The following MAP4 variants were observed in gnomAD, a reference collection of about 807,000 sequenced individuals.
MAP4 encodes microtubule associated protein 4.
In MAP4, 76 loss-of-function variants were observed where a neutral mutation model predicts 170.2. The ratio of observed to expected loss-of-function variants is 0.45; its 90% CI spans 0.37 to 0.54. MAP4 has a LOEUF of 0.54. Among genes scored for constraint, MAP4 ranks in the 20% least tolerant of loss-of-function variants. The pLI is 0.00. For synonymous variants in MAP4, 909 were observed against 994.5 expected, an observed-to-expected ratio of 0.91 and a Z score of 1.62; for missense variants, 2,506 against 2,748.0, an observed-to-expected ratio of 0.91 and a Z score of 1.97.
chr3:47,872,996 GCCCTACTCCAGCAAA>G lies in MAP4; in HGVS notation c.5758-911_5758-897del, dbSNP rs1358270897. Reference sequence around the variant, plus strand: ...ATCTGGGACAGAAGCGTGAGCTGTAGCCCTACTCCAGCAAATCACTGAGCCTCTGAGCTTTATTTC... The same window carrying G: ...ATCTGGGACAGAAGCGTGAGCTGTAGTCACTGAGCCTCTGAGCTTTATTTC... On this transcript the variant is annotated intron_variant, in intron 12 of 20. Coordinates refer to ENST00000683076, the MANE Select transcript of MAP4 (RefSeq NM_001385682.1). Among the ~76,000 whole-genome samples the G allele has an allele frequency of 3.3e-5, 5 of 152,184 alleles. No individual in the cohort carries two copies. The East Asian group carries it at 9.6e-4, about 29-fold the overall frequency.
chr3:48,000,022 C>G (rs961656633), intron 1 of MAP4, among the ~76,000 whole-genome samples: 1 of 151,714 alleles, frequency 6.6e-6, no homozygotes, highest in Non-Finnish European at 1.5e-5. Flanking sequence ...CAAGACCAGC[C>G]TGGCCAACAT....
rs2153523848 is a variant in MAP4 at position 47,911,637 on chromosome 3, T to C, written c.2784A>G (p.Leu928=). Residue 928 remains leucine (L), a synonymous_variant, in exon 9 of 21, where the codon CTA becomes CTG. Coordinates refer to ENST00000683076, the MANE Select transcript of MAP4 (RefSeq NM_001385682.1). The surrounding 1 kb of genome is among the most constrained non-coding windows in gnomAD (Gnocchi z 4.0). The part of the protein sequence containing the change: ...SVGPLNLKGP[L]AEVSAYNVET... The stretch of plus-strand genomic sequence containing the variant: ...CTACATTGTATGCAGAAACTTCTGC[T>C]AGGGGTCCTTTCAGATTGAGAGGGC... 1.3e-5 allele frequency: 20 copies of C among 1,536,064 alleles called. No individual in the cohort carries two copies. Among genetic ancestry groups the C allele is most frequent in the Non-Finnish European group, 1.7e-5 (19 of 1,146,854 alleles).
intron 1 of MAP4, among the ~76,000 whole-genome samples, chr3:48,081,313 T>C (rs1453450253): frequency 6.6e-6 from 1 of 151,362 alleles, no homozygotes; most frequent in African/African-American, 2.4e-5. Flanking sequence ...ATAAAATAAA[T>C]AAATAAATAA....
At chr3:48,075,156 T>C (rs145407104) in intron 1 of MAP4, among the ~76,000 whole-genome samples, 208 of 152,292 alleles carry the variant, frequency 1.4e-3, no homozygotes, top group African/African-American at 4.6e-3. Flanking sequence ...TAGTAGCAGA[T>C]AGTAGTACCA....
intron 10 of MAP4, among the ~76,000 whole-genome samples, chr3:47,896,746 T>C (rs1251199918): frequency 6.6e-6 from 1 of 151,980 alleles, no homozygotes; most frequent in African/African-American, 2.4e-5. Context: ...AGAAACAACA[T>C]ATAAATCGTA....
chr3:47,951,083 C>A (rs914857306), intron 3 of MAP4, among the ~76,000 whole-genome samples: 1 of 152,124 alleles, frequency 6.6e-6, no homozygotes, highest in African/African-American at 2.4e-5. Context: ...ATTAAGACAA[C>A]TTTATAAACT....
At chr3:47,983,373 CTTATTTATTTAT>C (rs559313125) in intron 2 of MAP4, among the ~76,000 whole-genome samples, 1 of 151,632 alleles carries the variant, frequency 6.6e-6, no homozygotes, top group East Asian at 1.9e-4. Flanking sequence ...CCACAGTTGG[CTTATTTATTTAT>C]TTATTTATTT....
At chr3:47,930,885 C>T (rs546421850) in intron 3 of MAP4, among the ~76,000 whole-genome samples, 1 of 148,466 alleles carries the variant, frequency 6.7e-6, no homozygotes, top group East Asian at 2.0e-4. Flanking sequence ...GCGGAGATCA[C>T]GCCACTGCAC....
At chr3:47,867,108 A>C in intron 17 of MAP4, 138 bp downstream of exon 17, 1 of 607,950 alleles carries the variant, frequency 1.6e-6, no homozygotes, top group Non-Finnish European at 2.9e-6. Flanking sequence ...AGGTCCCCTC[A>C]CTTTGCTAGT....
At chr3:48,070,037 G>A (rs1345490924) in intron 1 of MAP4, among the ~76,000 whole-genome samples, 2 of 152,042 alleles carry the variant, frequency 1.3e-5, no homozygotes, top group Non-Finnish European at 2.9e-5. Flanking sequence ...GTAGTGGCAC[G>A]ATCATAGCTC....
chr3:48,053,929 A>G (rs2100129245), intron 1 of MAP4, among the ~76,000 whole-genome samples: 1 of 152,220 alleles, frequency 6.6e-6, no homozygotes, highest in Non-Finnish European at 1.5e-5. Context: ...TGAAAATGTT[A>G]TTCTCTTTTA....
rs1039342475 is a variant in MAP4 at position 47,863,974 on chromosome 3, A to G, written c.6501+3272T>C. Among the ~76,000 whole-genome samples, 22 of 144,422 alleles carry G rather than the reference A, an allele frequency of 1.5e-4. 2 individuals are homozygous for G. The Middle Eastern group carries it at 0.011, about 71-fold the overall frequency. 94.7% of individuals were successfully genotyped at this position (144,422 alleles called of 152,430 possible). A position where few individuals can be genotyped will look rare whatever the true frequency, so the allele number is the denominator to read the frequency against. ...GGGGGTGTAATGCTGTTCTGTCTGCACAGCAGGTCCTCCTCCCTTTTTTTT... is the reference window on the plus strand; with the variant it reads ...GGGGGTGTAATGCTGTTCTGTCTGCGCAGCAGGTCCTCCTCCCTTTTTTTT... On this transcript the variant is annotated intron_variant, in intron 17 of 20. Coordinates refer to ENST00000683076, the MANE Select transcript of MAP4 (RefSeq NM_001385682.1).
chr3:47,956,881 A>G (rs1325418889), intron 3 of MAP4, among the ~76,000 whole-genome samples: 1 of 152,250 alleles, frequency 6.6e-6, no homozygotes, highest in Non-Finnish European at 1.5e-5. Context: ...ACCTGACTAA[A>G]GCTACTGCTA....
intron 3 of MAP4, among the ~76,000 whole-genome samples, chr3:47,936,535 C>A (rs1036200937): frequency 2.0e-5 from 3 of 151,856 alleles, no homozygotes; most frequent in Non-Finnish European, 4.4e-5. Flanking sequence ...TAGCTACAAG[C>A]ACGCAACAAA....
chr3:47,986,629 C>CG (rs1269502513), intron 2 of MAP4, among the ~76,000 whole-genome samples: 2 of 152,080 alleles, frequency 1.3e-5, no homozygotes, highest in African/African-American at 4.8e-5. Flanking sequence ...CTTGAGCCCC[C>CG]GGGTCCCGGT....
At chr3:48,078,132 C>A (rs1579863485) in intron 1 of MAP4, among the ~76,000 whole-genome samples, 1 of 152,008 alleles carries the variant, frequency 6.6e-6, no homozygotes, top group Non-Finnish European at 1.5e-5. Context: ...ACACCAAAAA[C>A]CACTGAATTC....
intron 2 of MAP4, among the ~76,000 whole-genome samples, chr3:47,992,073 C>T (rs1000719106): frequency 3.3e-5 from 5 of 151,950 alleles, no homozygotes; most frequent in African/African-American, 9.6e-5. Flanking sequence ...TATAATAAAA[C>T]ATTAATGAAG....
chr3:47,961,455 TG>T (rs1256061715), intron 3 of MAP4, among the ~76,000 whole-genome samples: 1 of 152,196 alleles, frequency 6.6e-6, no homozygotes, highest in Non-Finnish European at 1.5e-5. Context: ...CTGACATAGC[TG>T]TATCTTGTTA....
chr3:48,031,039 AC>A (rs1217438680), intron 1 of MAP4, among the ~76,000 whole-genome samples: 1 of 152,134 alleles, frequency 6.6e-6, no homozygotes, highest in Non-Finnish European at 1.5e-5. Flanking sequence ...TCTAAAGAGT[AC>A]AATATGAAAA....
Sources: gnomAD v4.1 joint callset for allele counts (sites outside exome capture counted in the v4.1 genomes callset) on GRCh38, gnomAD v4.1.1 for gene constraint, Gnocchi (gnomAD v3.1) non-coding constraint, MANE v1.5 for transcripts, NCBI Gene and HGNC (gene_info 2026-07-23, HGNC 2026-07-21) for gene names.